The following CEP112 variants were observed in gnomAD, a reference collection of about 807,000 sequenced individuals.
CEP112 encodes the protein centrosomal protein 112.
Under a neutral mutation model 153.0 loss-of-function variants are expected in CEP112, and 127 were observed. The ratio of observed to expected loss-of-function variants is 0.83; its 90% CI spans 0.72 to 0.96. The LOEUF (loss-of-function observed/expected upper bound fraction) is 0.96, where lower values mean the gene tolerates loss of function less well. CEP112 is among the 40% of genes least tolerant of loss of function. The probability of loss-of-function intolerance (pLI) is 0.00; values close to 1 mark genes in which losing one functional copy is unlikely to be tolerated. For missense variants in CEP112, 1,089 were observed against 1,101.2 expected, an observed-to-expected ratio of 0.99 and a Z score of 0.16; for synonymous variants, 358 against 374.4, an observed-to-expected ratio of 0.96 and a Z score of 0.51.
At chr17:65,899,262 C>T (rs1388775123) in intron 20 of CEP112, among the ~76,000 whole-genome samples, 1 of 151,974 alleles carries the variant, frequency 6.6e-6, no homozygotes, top group African/African-American at 2.4e-5. Context: ...AAACATATGA[C>T]CTTAGATAGA....
chr17:65,643,456 C>A (rs931688760), intron 24 of CEP112, among the ~76,000 whole-genome samples: 5 of 121,408 alleles, frequency 4.1e-5, no homozygotes, highest in Admixed American at 1.9e-4. Flanking sequence ...CACCACCACA[C>A]CTGGCTAATT....
At chr17:66,013,769 G>A (rs1314104700) in intron 16 of CEP112, among the ~76,000 whole-genome samples, 2 of 151,982 alleles carry the variant, frequency 1.3e-5, no homozygotes, top group African/African-American at 4.8e-5. Context: ...TGGGGCGCTG[G>A]CAGACCAGCA....
intron 18 of CEP112, among the ~76,000 whole-genome samples, chr17:65,932,895 C>T (rs560358138): frequency 6.6e-6 from 1 of 152,192 alleles, no homozygotes; most frequent in South Asian, 2.1e-4. Context: ...CAGATCTACA[C>T]CGTATCAATA....
intron 24 of CEP112, among the ~76,000 whole-genome samples, chr17:65,652,436 ACATTAGTTAT>A (rs1026226997): frequency 6.6e-6 from 1 of 152,118 alleles, no homozygotes; most frequent in African/African-American, 2.4e-5. Flanking sequence ...TGTTCAATAA[ACATTAGTTAT>A]CATTATATGA....
intron 17 of CEP112, among the ~76,000 whole-genome samples, chr17:65,974,614 T>G (rs1042197111): frequency 6.6e-6 from 1 of 152,232 alleles, no homozygotes; most frequent in Non-Finnish European, 1.5e-5. Flanking sequence ...TATACCCATA[T>G]GTAGAACAGT....
rs75194317 is a variant in CEP112, at chr17:65,745,831, A to G, written c.2458-2614T>C. Among the ~76,000 whole-genome samples, 1,122 of 152,310 alleles carry G rather than the reference A, an allele frequency of 7.4e-3. 18 individuals are homozygous for G. Among genetic ancestry groups the G allele is most frequent in the African/African-American group, 0.026 (1,069 of 41,562 alleles). Reference sequence around the variant, plus strand: ...ACTAGCTTGTAACTGACCAAAGAATAAAGATAAAAATATCCTGGGATACTT... The same window carrying G: ...ACTAGCTTGTAACTGACCAAAGAATGAAGATAAAAATATCCTGGGATACTT... On this transcript the variant is annotated intron_variant, in intron 22 of 26. Transcript: ENST00000535342.
intron 24 of CEP112, among the ~76,000 whole-genome samples, chr17:65,650,389 C>T (rs577055272): frequency 6.6e-5 from 10 of 152,270 alleles, no homozygotes; most frequent in South Asian, 2.1e-4. Context: ...AAAACGGGCC[C>T]CACACCAGCC....
chr17:65,746,379 A>G (rs894745317), intron 22 of CEP112, among the ~76,000 whole-genome samples: 1 of 152,146 alleles, frequency 6.6e-6, no homozygotes, highest in Non-Finnish European at 1.5e-5. Context: ...GGAAGGCGAT[A>G]TAAGGGGCAG....
intron 24 of CEP112, among the ~76,000 whole-genome samples, chr17:65,682,944 G>T (rs552651922): frequency 6.6e-6 from 1 of 152,216 alleles, no homozygotes; most frequent in East Asian, 1.9e-4. Flanking sequence ...CAAGAACCCT[G>T]TGGGAAGATA....
chr17:65,734,299 A>C (rs141288760), intron 23 of CEP112, among the ~76,000 whole-genome samples: 8 of 152,194 alleles, frequency 5.3e-5, no homozygotes, highest in African/African-American at 1.7e-4. Flanking sequence ...CATAGAGAAC[A>C]TGGCATCTAT....
chr17:66,129,724 TA>T (rs2146521108), intron 6 of CEP112, 21 bp downstream of exon 6: 2 of 1,536,600 alleles, frequency 1.3e-6, no homozygotes, highest in Non-Finnish European at 1.8e-6. Context: ...TATATATACA[TA>T]AAGCAAATAC....
chr17:65,916,570 T>A (rs2060501477), intron 19 of CEP112, among the ~76,000 whole-genome samples: 1 of 147,258 alleles, frequency 6.8e-6, no homozygotes, highest in Admixed American at 6.9e-5. Context: ...GTGGGTGGGG[T>A]CTTGCTCTGT....
intron 24 of CEP112, among the ~76,000 whole-genome samples, chr17:65,666,017 A>G (rs2143944635): frequency 6.6e-6 from 1 of 152,294 alleles, no homozygotes; most frequent in Non-Finnish European, 1.5e-5. Context: ...GTTCATCTGC[A>G]TTTCAACTCT....
chr17:65,852,871 C>G (rs1275829662), intron 20 of CEP112, among the ~76,000 whole-genome samples: 1 of 151,874 alleles, frequency 6.6e-6, no homozygotes, highest in African/African-American at 2.4e-5. Flanking sequence ...ATCATTTCTT[C>G]TTTTCTGATT....
chr17:65,969,144 C>T (rs1341392658), intron 17 of CEP112, among the ~76,000 whole-genome samples: 4 of 146,832 alleles, frequency 2.7e-5, no homozygotes, highest in Admixed American at 2.1e-4. Flanking sequence ...TGCAGTGGTG[C>T]GATCTCGGCT....
At chr17:65,996,008 T>C (rs926242700) in intron 17 of CEP112, among the ~76,000 whole-genome samples, 1 of 152,144 alleles carries the variant, frequency 6.6e-6, no homozygotes, top group Non-Finnish European at 1.5e-5. Flanking sequence ...TTTTTCTTTA[T>C]AAATTACCCA....
At position 65,743,074 on chromosome 17, in the gene CEP112, T is replaced by G. The variant is rs768854569; in HGVS notation, c.2601A>C (p.Ala867=). ...ACTGAAGTCTTCAGATTACCTTGAT[T>G]GCTTGGTCATTATCTCTAATCAGCT... ...KKQLIRDNDQ[A]IKVLQDELEN... is the part of the protein sequence containing the mutation. The change falls in exon 23 of 27, where the codon GCA becomes GCC. Residue 867 remains alanine, a synonymous_variant. Coordinates refer to ENST00000535342, the MANE Select transcript of CEP112 (RefSeq NM_001199165.4). The G allele has an allele frequency of 1.2e-6, 2 of 1,606,778 alleles. No homozygotes were observed. The highest frequency in any genetic ancestry group is 2.2e-5 in the East Asian group (1 of 44,808).
chr17:66,034,237 A>G (rs1449607110), intron 12 of CEP112, among the ~76,000 whole-genome samples: 2 of 152,214 alleles, frequency 1.3e-5, no homozygotes, highest in Non-Finnish European at 2.9e-5. Context: ...GCATTTTATA[A>G]GGTTATAACA....
chr17:65,993,966 TA>T (rs2063689535), intron 17 of CEP112, among the ~76,000 whole-genome samples: 1 of 149,828 alleles, frequency 6.7e-6, no homozygotes, highest in African/African-American at 2.5e-5. Context: ...TAGAAAGTTA[TA>T]AAAACCATGA....
Sources: allele counts gnomAD v4.1 joint callset (sites outside exome capture counted in the v4.1 genomes callset), GRCh38; gene constraint gnomAD v4.1.1; transcripts MANE v1.5; gene names NCBI Gene and HGNC (gene_info 2026-07-23, HGNC 2026-07-21).